The following SLC12A6 variants were observed in gnomAD, a reference collection of about 807,000 sequenced individuals.
SLC12A6 encodes solute carrier family 12 member 6.
A neutral mutation model predicts 135.3 loss-of-function variants in SLC12A6; 66 were observed. The observed-to-expected ratio is 0.49, with a 90% CI of 0.40 to 0.60. The LOEUF (loss-of-function observed/expected upper bound fraction) is 0.60, where lower values mean the gene tolerates loss of function less well. SLC12A6 is among the 20% of genes least tolerant of loss of function. The pLI is 0.00. For synonymous variants in SLC12A6, 513 were observed against 508.8 expected, an observed-to-expected ratio of 1.01 and a Z score of -0.11; for missense variants, 1,058 against 1,452.3, an observed-to-expected ratio of 0.73 and a Z score of 4.41.
rs762897307 is a variant in SLC12A6, at chr15:34,238,344, G to A, written c.2690C>T (p.Ser897Phe). 6.2e-7 allele frequency: 1 copy of A among 1,613,856 alleles called. No homozygotes were observed. The highest frequency in any genetic ancestry group is 1.3e-5 in the African/African-American group (1 of 75,048). ...HLALLVAKNISFFPSNVEQFS... is the reference protein window; with the variant it reads ...HLALLVAKNIFFFPSNVEQFS... ...TTGCTCCACATTGCTGGGAAAGAAGGAGATGTTTTTAGCCACCAGCAGTGC... is the reference window on the plus strand; with the variant it reads ...TTGCTCCACATTGCTGGGAAAGAAGAAGATGTTTTTAGCCACCAGCAGTGC... The change falls in exon 21 of 26, where the codon TCC becomes TTC. Residue 897 changes from serine (S) to phenylalanine (F), a missense_variant. Ser to Phe is a radical substitution (Grantham distance 155). Coordinates refer to ENST00000354181, the MANE Select transcript of SLC12A6 (RefSeq NM_001365088.1).
At chr15:34,236,905 C>T in intron 22 of SLC12A6, 90 bp from the exon 23 acceptor site, 1 of 775,172 alleles carries the variant, frequency 1.3e-6, no homozygotes, top group Non-Finnish European at 2.3e-6. Flanking sequence ...CTAAATTAAA[C>T]CAGGGACAGC....
chr15:34,241,084 TA>T (rs1429812118), intron 18 of SLC12A6, 148 bp downstream of exon 18: 3 of 671,580 alleles, frequency 4.5e-6, no homozygotes, highest in African/African-American at 1.8e-5. Flanking sequence ...GAAAAGGGAA[TA>T]AAAAAATTAA....
chr15:34,257,534 G>T, intron 6 of SLC12A6, 108 bp downstream of exon 6: 1 of 844,582 alleles, frequency 1.2e-6, no homozygotes, highest in Non-Finnish European at 2.0e-6. Flanking sequence ...TTGAGATCAT[G>T]AGTCCTTCCC....
Position 34,241,285 on chromosome 15 carries a change from G to A in SLC12A6, c.2215C>T (p.Arg739Trp), listed in dbSNP as rs754556635. ...TCCTCCAATCGAAGCAAAGCAAACC[G>A]GGCTGCACTGAGGGACAGCCCACGG... ...GIRGLSLSAA[R>W]FALLRLEEGP... Residue 739 changes from arginine (R) to tryptophan (W), a missense_variant, in exon 18 of 26, where the codon CGG becomes TGG. Physicochemically the swap from Arg to Trp is moderately radical, Grantham distance 101. Coordinates refer to ENST00000354181, the MANE Select transcript of SLC12A6 (RefSeq NM_001365088.1). 26 of 1,611,604 alleles carry A rather than the reference G, an allele frequency of 1.6e-5. No homozygotes were observed. Among genetic ancestry groups the A allele is most frequent in the Non-Finnish European group, 2.0e-5 (23 of 1,177,852 alleles).
rs529390115 is a variant in SLC12A6, at chr15:34,322,160, C to T, written c.271+14250G>A. On this transcript the variant is annotated intron_variant, in intron 2 of 25. Transcript: ENST00000354181. ...CAGCACTTTGGGAAGCTGAGGTGGA[C>T]GGATCACCCGAGGTCAGTTCGAGAC... Among the ~76,000 whole-genome samples the T allele has an allele frequency of 9.8e-4, 149 of 152,128 alleles. 2 individuals are homozygous for T. Among genetic ancestry groups the T allele is most frequent in the African/African-American group, 3.3e-3 (135 of 41,490 alleles).
At chr15:34,290,567 C>T (rs1004449883) in intron 2 of SLC12A6, among the ~76,000 whole-genome samples, 3 of 152,084 alleles carry the variant, frequency 2.0e-5, no homozygotes, top group Admixed American at 2.0e-4. Context: ...CTAATATTGA[C>T]AGTGGGCTGT....
intron 2 of SLC12A6, among the ~76,000 whole-genome samples, chr15:34,307,888 A>AATT: frequency 6.6e-6 from 1 of 152,222 alleles, no homozygotes; most frequent in South Asian, 2.1e-4. Flanking sequence ...CTTCTGTCAC[A>AATT]AAAGGTTACA....
chr15:34,248,562 C>CCA (rs77275220), intron 13 of SLC12A6, among the ~76,000 whole-genome samples: 24,764 of 88,114 alleles, frequency 0.28, 2,112 homozygotes, highest in East Asian at 0.47. Context: ...ATATATACAC[C>CCA]CCCACCCACA....
Position 34,230,242 on chromosome 15 carries a change from G to T in SLC12A6, c.*3639C>A, listed in dbSNP as rs1319343100. 1 of 163,768 alleles carries T rather than the reference G, an allele frequency of 6.1e-6. No individual in the cohort carries two copies. Among genetic ancestry groups the T allele is most frequent in the Non-Finnish European group, 1.3e-5 (1 of 76,176 alleles). The allele number at this position is 163,768 out of a possible 1,614,324, so 10.1% of individuals were successfully genotyped here. A position where few individuals can be genotyped will look rare whatever the true frequency, so the allele number is the denominator to read the frequency against. ...AAAAATTCTGTTGGGGATACCTGGG[G>T]GAAGATGTGAGAAACTAATGCTGAA... On this transcript the variant is annotated 3_prime_UTR_variant, in exon 26 of 26. Transcript: ENST00000354181.
At position 34,244,194 on chromosome 15, in the gene SLC12A6, G is replaced by A. The variant is rs1159812991; in HGVS notation, c.1944-122C>T. The A allele has an allele frequency of 7.0e-6, 5 of 713,140 alleles. No homozygotes were observed. The African/African-American group carries it at 8.8e-5, about 13-fold the overall frequency. 44.2% of individuals were successfully genotyped at this position (713,140 alleles called of 1,614,324 possible). A position where few individuals can be genotyped will look rare whatever the true frequency, so the allele number is the denominator to read the frequency against. On this transcript the variant is annotated intron_variant, in intron 15 of 25. Transcript: ENST00000354181. ...AGACAACTAACCCTTGATTAAGTAG[G>A]AAGTAGGGAAACTTAAACCTCTCCC...
chr15:34,277,615 A>AT (rs2140898999), intron 2 of SLC12A6, among the ~76,000 whole-genome samples: 1 of 152,332 alleles, frequency 6.6e-6, no homozygotes, highest in South Asian at 2.1e-4. Flanking sequence ...TAGAGAAAGC[A>AT]TAACAGAATT....
At chr15:34,286,868 C>T (rs1895119139) in intron 2 of SLC12A6, among the ~76,000 whole-genome samples, 1 of 152,094 alleles carries the variant, frequency 6.6e-6, no homozygotes, top group African/African-American at 2.4e-5. Flanking sequence ...TCATACTATG[C>T]TTCAAAAGAG....
chr15:34,318,649 C>T lies in SLC12A6; in HGVS notation c.271+17761G>A, dbSNP rs750292410. 4 of 1,613,084 alleles carry T rather than the reference C, an allele frequency of 2.5e-6. No individual in the cohort carries two copies. In the South Asian group the frequency reaches 4.4e-5, roughly 18 times the overall value. ...AAGCCGCTGCCCCCTCCTCTGGGTCCTCTACCTTAGTCACAGTAAAATGTG... is the reference window on the plus strand; with the variant it reads ...AAGCCGCTGCCCCCTCCTCTGGGTCTTCTACCTTAGTCACAGTAAAATGTG... On this transcript the variant is annotated intron_variant, in intron 2 of 25. Coordinates refer to ENST00000354181, the MANE Select transcript of SLC12A6 (RefSeq NM_001365088.1).
chr15:34,305,613 GAT>G (rs1366727426), intron 2 of SLC12A6, among the ~76,000 whole-genome samples: 1 of 151,884 alleles, frequency 6.6e-6, no homozygotes, highest in Admixed American at 6.6e-5. Context: ...CTCTAGCAGA[GAT>G]AGTTTTAAAA....
chr15:34,267,983 CTGAGGAGTT>C (rs1270833498), intron 3 of SLC12A6, among the ~76,000 whole-genome samples: 1 of 151,722 alleles, frequency 6.6e-6, no homozygotes, highest in Non-Finnish European at 1.5e-5. Flanking sequence ...TCTTTTATTC[CTGAGGAGTT>C]TGCTCATCTT....
intron 2 of SLC12A6, among the ~76,000 whole-genome samples, chr15:34,310,005 C>CTTTTTTTTTTTTTTT (rs879478639): frequency 1.2e-4 from 18 of 144,156 alleles, no homozygotes; most frequent in Non-Finnish European, 2.1e-4. Context: ...AAGAGATAAT[C>CTTTTTTTTTTTTTTT]TTTTTTTTTT....
chr15:34,335,953 G>C (rs1218879162), intron 2 of SLC12A6, among the ~76,000 whole-genome samples: 1 of 152,118 alleles, frequency 6.6e-6, no homozygotes, highest in African/African-American at 2.4e-5. Flanking sequence ...ATACACATTC[G>C]AAGTCTTGGA....
At chr15:34,308,171 A>AT (rs1467546659) in intron 2 of SLC12A6, among the ~76,000 whole-genome samples, 1 of 152,060 alleles carries the variant, frequency 6.6e-6, no homozygotes, top group Non-Finnish European at 1.5e-5. Flanking sequence ...CCATATGCCC[A>AT]TTTTTTTCCA....
chr15:34,306,802 T>C (rs997739809), intron 2 of SLC12A6, among the ~76,000 whole-genome samples: 1 of 152,208 alleles, frequency 6.6e-6, no homozygotes, highest in African/African-American at 2.4e-5. Context: ...AAGTATTAAG[T>C]TCTGAAGAAA....
Sources: allele counts gnomAD v4.1 joint callset (sites outside exome capture counted in the v4.1 genomes callset), GRCh38; gene constraint gnomAD v4.1.1; transcripts MANE v1.5; gene names NCBI Gene and HGNC (gene_info 2026-07-23, HGNC 2026-07-21).